The following TCF4 variants were observed in gnomAD, a reference collection of about 807,000 sequenced individuals.
The protein encoded by TCF4 is transcription factor 4.
Under a neutral mutation model 82.1 loss-of-function variants are expected in TCF4, and 3 were observed. The ratio of observed to expected loss-of-function variants is 0.04; its 90% CI spans 0.02 to 0.09. TCF4 has a LOEUF of 0.09. Ranked by LOEUF, TCF4 falls within the 10% of genes least tolerant of loss-of-function variation. The pLI, the probability that TCF4 is intolerant of heterozygous loss-of-function variation, is 1.00. For synonymous variants in TCF4, 276 were observed against 309.6 expected, an observed-to-expected ratio of 0.89 and a Z score of 1.14; for missense variants, 518 against 852.7, an observed-to-expected ratio of 0.61 and a Z score of 4.89.
chr18:55,483,429 C>G (rs907246619), intron 3 of TCF4, among the ~76,000 whole-genome samples: 1 of 152,192 alleles, frequency 6.6e-6, no homozygotes, highest in African/African-American at 2.4e-5. Context: ...AAGAAATATG[C>G]AGATCAGTCC....
intron 8 of TCF4, among the ~76,000 whole-genome samples, chr18:55,281,415 T>C (rs952794272): frequency 2.0e-5 from 3 of 152,110 alleles, no homozygotes; most frequent in African/African-American, 4.8e-5. Context: ...GGAATGATTG[T>C]AGTGTGACTA....
intron 6 of TCF4, among the ~76,000 whole-genome samples, chr18:55,381,238 C>T (rs1180683406): frequency 2.0e-5 from 3 of 152,178 alleles, no homozygotes; most frequent in Non-Finnish European, 1.5e-5. Flanking sequence ...ACTGCATTCA[C>T]ATTAACGAGC....
intron 6 of TCF4, among the ~76,000 whole-genome samples, chr18:55,357,142 T>C (rs1243141642): frequency 6.6e-6 from 1 of 152,152 alleles, no homozygotes; most frequent in Non-Finnish European, 1.5e-5. Context: ...AAAGAATATA[T>C]TATTTATTGT....
intron 8 of TCF4, chr18:55,302,434 GT>G: frequency 4.6e-6 from 7 of 1,536,254 alleles, no homozygotes; most frequent in East Asian, 2.4e-5. Flanking sequence ...TCCCTTCGTG[GT>G]CCAGGCAACA....
At chr18:55,559,974 A>G (rs1468509681) in intron 3 of TCF4, among the ~76,000 whole-genome samples, 1 of 152,228 alleles carries the variant, frequency 6.6e-6, no homozygotes, top group African/African-American at 2.4e-5. Flanking sequence ...TGCTGGATCT[A>G]ATTTTAGGCC....
upstream of TCF4, among the ~76,000 whole-genome samples, chr18:55,593,361 A>G (rs192552538): frequency 2.6e-5 from 4 of 152,354 alleles, no homozygotes; most frequent in South Asian, 2.1e-4. Flanking sequence ...ACAAATTTCT[A>G]TCAAATATAA....
At chr18:55,343,732 G>T (rs1366065496) in intron 8 of TCF4, among the ~76,000 whole-genome samples, 1 of 152,120 alleles carries the variant, frequency 6.6e-6, no homozygotes, top group Non-Finnish European at 1.5e-5. Context: ...ACTTAAAAAA[G>T]AATCACTCAC....
rs919474836 is a variant in TCF4 at position 55,361,842 on chromosome 18, T to G, written c.370-10839A>C. 2.6e-5 allele frequency among the ~76,000 whole-genome samples: 4 copies of G among 152,196 alleles called. No individual in the cohort carries two copies. In the East Asian group the frequency reaches 7.7e-4, roughly 29 times the overall value. On this transcript the variant is annotated intron_variant, in intron 6 of 19. Transcript: ENST00000354452. ...TGTTGGCTATGCAACTTATTTAATA[T>G]GAAGAACCCCTCAAGGAGGGGATTC...
intron 11 of TCF4, chr18:55,267,388 A>G (rs1031497742): frequency 2.0e-5 from 3 of 152,130 alleles, no homozygotes; most frequent in African/African-American, 7.2e-5. Flanking sequence ...ACATCAGAAG[A>G]GAAAGCTTCT....
chr18:55,320,644 T>G (rs2075264792), intron 8 of TCF4, among the ~76,000 whole-genome samples: 1 of 152,232 alleles, frequency 6.6e-6, no homozygotes, highest in Non-Finnish European at 1.5e-5. Flanking sequence ...TCCTGAAAGC[T>G]CTGATCTGTC....
chr18:55,300,430 G>A (rs1026520096), intron 8 of TCF4, among the ~76,000 whole-genome samples: 1 of 62,030 alleles, frequency 1.6e-5, no homozygotes, highest in African/African-American at 6.6e-5. Flanking sequence ...AGTTGGGGGT[G>A]GGGGAGGGGT....
chr18:55,277,295 AAT>A (rs1706811399), intron 9 of TCF4, among the ~76,000 whole-genome samples: 1 of 152,122 alleles, frequency 6.6e-6, no homozygotes, highest in South Asian at 2.1e-4. Flanking sequence ...CTTAAATTCA[AAT>A]ATGAAGTTCA....
chr18:55,389,967 TC>T (rs1166510819), intron 6 of TCF4, among the ~76,000 whole-genome samples: 1 of 151,988 alleles, frequency 6.6e-6, no homozygotes, highest in African/African-American at 2.4e-5. Context: ...GAGTCAGTCA[TC>T]ACACCAAGGG....
rs541129867 is a variant in TCF4, at chr18:55,321,467, G to A, written c.549+28892C>T. ...AAGCATCTATTTTTCTACTCTGGGG[G>A]AGGAGTGGGGGGAAAAAAAGACGAA... is the stretch of plus-strand genomic sequence containing the variant. On this transcript the variant is annotated intron_variant, in intron 8 of 19. Coordinates refer to ENST00000354452, the MANE Select transcript of TCF4 (RefSeq NM_001083962.2). 9.4e-6 allele frequency: 7 copies of A among 743,370 alleles called. No homozygotes were observed. The African/African-American group carries it at 1.0e-4, about 11-fold the overall frequency. The allele number at this position is 743,370 out of a possible 1,614,324, so 46.0% of individuals were successfully genotyped here. A position where few individuals can be genotyped will look rare whatever the true frequency, so the allele number is the denominator to read the frequency against.
intron 3 of TCF4, among the ~76,000 whole-genome samples, chr18:55,507,404 G>T (rs1049513357): frequency 6.6e-6 from 1 of 152,074 alleles, no homozygotes; most frequent in Non-Finnish European, 1.5e-5. Context: ...TTCATGTCCC[G>T]GATGAGATGG....
At chr18:55,579,412 G>A (rs2097556548) in intron 3 of TCF4, among the ~76,000 whole-genome samples, 1 of 150,452 alleles carries the variant, frequency 6.6e-6, no homozygotes, top group Non-Finnish European at 1.5e-5. Context: ...TAATTAACTT[G>A]GAAGAACAAA....
intron 6 of TCF4, among the ~76,000 whole-genome samples, chr18:55,365,177 A>G (rs2086572315): frequency 7.8e-6 from 1 of 128,690 alleles, no homozygotes; most frequent in South Asian, 2.4e-4. Flanking sequence ...ATATATATAT[A>G]TATATATATA....
chr18:55,476,316 G>A (rs902196649), intron 3 of TCF4, among the ~76,000 whole-genome samples: 1 of 152,106 alleles, frequency 6.6e-6, no homozygotes, highest in Non-Finnish European at 1.5e-5. Flanking sequence ...AGTGAAGGGT[G>A]ACCCCAAAAA....
At chr18:55,586,923 A>G (rs2097654907) in intron 2 of TCF4, 122 bp downstream of exon 2, 4 of 834,152 alleles carry the variant, frequency 4.8e-6, no homozygotes, top group Non-Finnish European at 8.0e-6. Flanking sequence ...ATATTTACCA[A>G]GGATTCAGCC....
Sources: allele counts gnomAD v4.1 joint callset (sites outside exome capture counted in the v4.1 genomes callset), GRCh38; gene constraint gnomAD v4.1.1; transcripts MANE v1.5; gene names NCBI Gene and HGNC (gene_info 2026-07-23, HGNC 2026-07-21).